Variants in GALNTL6 observed in about 807,000 individuals in gnomAD.
The protein encoded by GALNTL6 is polypeptide N-acetylgalactosaminyltransferase-like 6.
A neutral mutation model predicts 73.7 loss-of-function variants in GALNTL6; 46 were observed. The observed-to-expected ratio is 0.62, with a 90% CI of 0.49 to 0.80. The LOEUF (loss-of-function observed/expected upper bound fraction) is 0.80, where lower values mean the gene tolerates loss of function less well. Among genes scored for constraint, GALNTL6 ranks in the 30% least tolerant of loss-of-function variants. The pLI is 0.00. For synonymous variants in GALNTL6, 259 were observed against 263.7 expected, an observed-to-expected ratio of 0.98 and a Z score of 0.17; for missense variants, 604 against 755.0, an observed-to-expected ratio of 0.80 and a Z score of 2.34.
intron 3 of GALNTL6, among the ~76,000 whole-genome samples, chr4:172,278,842 C>G (rs1028425861): frequency 2.0e-5 from 3 of 152,082 alleles, no homozygotes; most frequent in Non-Finnish European, 2.9e-5. Flanking sequence ...CTGCTGTAAT[C>G]AAACAGCGTG....
chr4:172,299,862 G>C (rs1739843278), intron 3 of GALNTL6, among the ~76,000 whole-genome samples: 1 of 152,178 alleles, frequency 6.6e-6, no homozygotes, highest in Non-Finnish European at 1.5e-5. Flanking sequence ...GGGGTGGAGA[G>C]TTCTGTAGAT....
At chr4:172,302,740 G>C (rs1031531174) in intron 3 of GALNTL6, among the ~76,000 whole-genome samples, 2 of 151,768 alleles carry the variant, frequency 1.3e-5, no homozygotes, top group Admixed American at 1.3e-4. Context: ...TGTGCCTGGA[G>C]TTTTCAACTT....
At chr4:172,763,727 A>G (rs767550836) in intron 5 of GALNTL6, among the ~76,000 whole-genome samples, 1 of 152,236 alleles carries the variant, frequency 6.6e-6, no homozygotes, top group Non-Finnish European at 1.5e-5. Flanking sequence ...TCAGAGAAAT[A>G]GCAGTGCTTA....
intron 5 of GALNTL6, among the ~76,000 whole-genome samples, chr4:172,769,502 GA>G (rs765001110): frequency 4.6e-5 from 7 of 152,148 alleles, no homozygotes; most frequent in Non-Finnish European, 8.8e-5. Context: ...AGGAAATAAA[GA>G]AACATGAGAG....
At chr4:172,964,988 C>T (rs1026443967) in intron 10 of GALNTL6, among the ~76,000 whole-genome samples, 6 of 152,218 alleles carry the variant, frequency 3.9e-5, no homozygotes, top group Non-Finnish European at 7.3e-5. Context: ...CTGGCAACTA[C>T]GCGGCAAACT....
At chr4:172,276,593 G>A (rs933598569) in intron 3 of GALNTL6, among the ~76,000 whole-genome samples, 1 of 152,058 alleles carries the variant, frequency 6.6e-6, no homozygotes, top group Non-Finnish European at 1.5e-5. Context: ...CCACAATTTG[G>A]TGATAAAGAG....
intron 4 of GALNTL6, among the ~76,000 whole-genome samples, chr4:172,327,014 A>G (rs1371070836): frequency 6.6e-6 from 1 of 152,032 alleles, no homozygotes; most frequent in Non-Finnish European, 1.5e-5. Flanking sequence ...TATTTATATT[A>G]TAAGCCTAAA....
In GALNTL6 at chr4:172,435,945, C is replaced by T. The variant is rs553661453; in HGVS notation, c.553+87256C>T. On this transcript the variant is annotated intron_variant, in intron 5 of 12. Coordinates refer to ENST00000506823, the MANE Select transcript of GALNTL6 (RefSeq NM_001034845.3). Reference sequence around the variant, plus strand: ...TTGGCTTGAGGATTATCCTTCCATCCTTTCACGTGTGAAATTGAAGGTTTC... The same window carrying T: ...TTGGCTTGAGGATTATCCTTCCATCTTTTCACGTGTGAAATTGAAGGTTTC... Among the ~76,000 whole-genome samples the T allele has an allele frequency of 2.6e-5, 4 of 152,132 alleles. No individual in the cohort carries two copies. In the East Asian group the frequency reaches 7.7e-4, roughly 29 times the overall value.
rs143915779 is a variant in GALNTL6 at position 172,922,217 on chromosome 4, C to G, written c.1042-8944C>G. 2.3e-3 allele frequency among the ~76,000 whole-genome samples: 353 copies of G among 152,330 alleles called. 4 individuals are homozygous for G. Among genetic ancestry groups the G allele is most frequent in the Admixed American group, 0.017 (253 of 15,302 alleles). ...CTGAGGCCTCCCCTGCCATGTGGAA[C>G]TGTAAATCCAATTAAACCTCCTTTT... On this transcript the variant is annotated intron_variant, in intron 8 of 12. Coordinates refer to ENST00000506823, the MANE Select transcript of GALNTL6 (RefSeq NM_001034845.3).
chr4:172,397,815 G>A (rs894870157), intron 5 of GALNTL6, among the ~76,000 whole-genome samples: 2 of 151,996 alleles, frequency 1.3e-5, no homozygotes, highest in Non-Finnish European at 2.9e-5. Context: ...TTGACCTTGT[G>A]ATCCTCCCAC....
At chr4:171,954,324 C>A (rs1305617931) in intron 2 of GALNTL6, among the ~76,000 whole-genome samples, 1 of 152,124 alleles carries the variant, frequency 6.6e-6, no homozygotes, top group Non-Finnish European at 1.5e-5. Context: ...TTCAAAAAAA[C>A]ATTTTTGTAG....
intron 5 of GALNTL6, among the ~76,000 whole-genome samples, chr4:172,779,003 TCCCATACACACACA>T (rs1286620766): frequency 6.7e-6 from 1 of 150,180 alleles, no homozygotes; most frequent in Non-Finnish European, 1.5e-5. Context: ...ACACACACAC[TCCCATACACACACA>T]CACACACTCA....
Position 172,904,065 on chromosome 4 carries a change from ATTCT to A in GALNTL6, c.1041+21163_1041+21166del, listed in dbSNP as rs559345492. 2.7e-4 allele frequency among the ~76,000 whole-genome samples: 41 copies of A among 152,294 alleles called. 1 individual carries two copies. In the South Asian group the frequency reaches 3.3e-3, roughly 12 times the overall value. On this transcript the variant is annotated intron_variant, in intron 8 of 12. Transcript: ENST00000506823. Reference sequence around the variant, plus strand: ...CTTCAAATTAGTTTTGACATGAACAATTCTTTCTGTTTTTGTAACTGTATGTCAT... The same window carrying A: ...CTTCAAATTAGTTTTGACATGAACAATTCTGTTTTTGTAACTGTATGTCAT...
At chr4:172,616,901 CT>C (rs1374224790) in intron 5 of GALNTL6, among the ~76,000 whole-genome samples, 12 of 152,224 alleles carry the variant, frequency 7.9e-5, no homozygotes, top group African/African-American at 2.9e-4. Context: ...TCACTTTTAC[CT>C]CAAGAAGAGC....
At chr4:172,952,519 G>GTTTTTTT (rs201491765) in intron 10 of GALNTL6, among the ~76,000 whole-genome samples, 2 of 147,404 alleles carry the variant, frequency 1.4e-5, no homozygotes, top group Non-Finnish European at 1.5e-5. Flanking sequence ...TTTTGTTTTT[G>GTTTTTTT]TTTTTGTTTT....
chr4:172,538,902 T>C (rs1269621984), intron 5 of GALNTL6, among the ~76,000 whole-genome samples: 1 of 151,982 alleles, frequency 6.6e-6, no homozygotes, highest in Non-Finnish European at 1.5e-5. Flanking sequence ...CAACACAAGA[T>C]GAAGTAGAAT....
At chr4:172,492,050 A>G (rs983210050) in intron 5 of GALNTL6, among the ~76,000 whole-genome samples, 3 of 150,540 alleles carry the variant, frequency 2.0e-5, no homozygotes, top group Non-Finnish European at 3.0e-5. Context: ...GGTCATAACA[A>G]TGGGGAACAC....
chr4:171,836,299 A>G (rs1273630591), intron 2 of GALNTL6, among the ~76,000 whole-genome samples: 3 of 152,076 alleles, frequency 2.0e-5, no homozygotes, highest in Admixed American at 2.0e-4. Flanking sequence ...CACTGCTCTC[A>G]GTCACATCCC....
intron 12 of GALNTL6, among the ~76,000 whole-genome samples, chr4:173,025,152 A>T (rs868830898): frequency 1.3e-4 from 20 of 152,242 alleles, no homozygotes; most frequent in African/African-American, 4.6e-4. Flanking sequence ...AAAAGGAGAA[A>T]AGCATCCTTA....
Sources: allele counts gnomAD v4.1 joint callset (sites outside exome capture counted in the v4.1 genomes callset), GRCh38; gene constraint gnomAD v4.1.1; transcripts MANE v1.5; gene names NCBI Gene and HGNC (gene_info 2026-07-23, HGNC 2026-07-21).